Variants in OR51E2 observed in about 807,000 individuals in gnomAD.
OR51E2 encodes olfactory receptor 51E2.
A neutral mutation model predicts 13.7 loss-of-function variants in OR51E2; 14 were observed. The observed-to-expected ratio is 1.02, with a 90% CI of 0.68 to 1.60. The LOEUF (loss-of-function observed/expected upper bound fraction) is 1.60, where lower values mean the gene tolerates loss of function less well. Among genes scored for constraint, OR51E2 ranks in the 40% most tolerant of loss-of-function variants. The pLI is 0.00. For missense variants in OR51E2, 483 were observed against 413.8 expected, an observed-to-expected ratio of 1.17 and a Z score of -1.45; for synonymous variants, 180 against 157.6, an observed-to-expected ratio of 1.14 and a Z score of -1.07.
rs530774052 is a variant in OR51E2, at chr11:4,689,483, G to A, written c.-50-6722C>T. On this transcript the variant is annotated intron_variant, in intron 1 of 1. Coordinates refer to ENST00000396950, the MANE Select transcript of OR51E2 (RefSeq NM_030774.4). ...CAGTTGGCAGAGATCTCCATAAAGC[G>A]AGGGGGCAAGCCTGTAGATACGAAT... Among the ~76,000 whole-genome samples the A allele has an allele frequency of 9.2e-5, 14 of 152,264 alleles. No individual in the cohort carries two copies. The South Asian group carries it at 2.7e-3, about 29-fold the overall frequency.
At position 4,686,096 on chromosome 11, in the gene OR51E2, A is replaced by C. The variant is rs566189110; in HGVS notation, c.-50-3335T>G. On this transcript the variant is annotated intron_variant, in intron 1 of 1. Coordinates refer to ENST00000396950, the MANE Select transcript of OR51E2 (RefSeq NM_030774.4). ...GTGTAATAAGCACATTCTCAAGGCT[A>C]GTTTTGTGCAGGCACTGTGCTGAGT... Among the ~76,000 whole-genome samples, 330 of 152,336 alleles carry C rather than the reference A, an allele frequency of 2.2e-3. 2 individuals carry two copies. The highest frequency in any genetic ancestry group is 7.4e-3 in the African/African-American group (307 of 41,578).
intron 1 of OR51E2, among the ~76,000 whole-genome samples, chr11:4,692,627 C>T (rs1847597591): frequency 6.6e-6 from 1 of 151,842 alleles, no homozygotes; most frequent in Non-Finnish European, 1.5e-5. Flanking sequence ...GAGTTGAAGA[C>T]GGGGGTCTAG....
At chr11:4,695,087 C>T (rs2133253890) in intron 1 of OR51E2, among the ~76,000 whole-genome samples, 1 of 152,260 alleles carries the variant, frequency 6.6e-6, no homozygotes, top group Admixed American at 6.5e-5. Context: ...GGAAATGAAG[C>T]TAGAGAAAGC....
In OR51E2 at chr11:4,681,504, T is replaced by A. The variant is rs753812429; in HGVS notation, c.*245A>T. 9 of 501,982 alleles carry A rather than the reference T, an allele frequency of 1.8e-5. No individual in the cohort carries two copies. The highest frequency in any genetic ancestry group is 6.4e-5 in the East Asian group (2 of 31,174). The allele number at this position is 501,982 out of a possible 1,614,324, so 31.1% of individuals were successfully genotyped here. The stretch of plus-strand genomic sequence containing the variant: ...TTTTCAACTTGGTTTCAATCATGTA[T>A]CTTTATTGTTTTTCTTAATGTTATA... On this transcript the variant is annotated 3_prime_UTR_variant, in exon 2 of 2. Coordinates refer to ENST00000396950, the MANE Select transcript of OR51E2 (RefSeq NM_030774.4).
At chr11:4,690,224 A>T (rs975612087) in intron 1 of OR51E2, among the ~76,000 whole-genome samples, 1 of 151,982 alleles carries the variant, frequency 6.6e-6, no homozygotes, top group African/African-American at 2.4e-5. Context: ...TTCATGCCTC[A>T]ATTTTCTTAT....
chr11:4,694,573 T>TAC (rs1237280273), intron 1 of OR51E2, among the ~76,000 whole-genome samples: 3,107 of 118,920 alleles, frequency 0.026, 123 homozygotes, highest in African/African-American at 0.076. Flanking sequence ...TACATATATA[T>TAC]ATACACACAC....
intron 1 of OR51E2, among the ~76,000 whole-genome samples, chr11:4,686,540 A>G (rs1045152162): frequency 1.1e-4 from 17 of 152,198 alleles, no homozygotes; most frequent in Admixed American, 2.0e-4. Context: ...AGCTGTTGGG[A>G]GGGTGAATTT....
intron 1 of OR51E2, among the ~76,000 whole-genome samples, chr11:4,696,726 A>G (rs1341574305): frequency 1.3e-5 from 2 of 152,042 alleles, no homozygotes; most frequent in Non-Finnish European, 2.9e-5. Context: ...AATAAGCTAT[A>G]TTCTCTCAAC....
intron 1 of OR51E2, among the ~76,000 whole-genome samples, chr11:4,693,749 G>A (rs1000677770): frequency 7.2e-5 from 11 of 151,978 alleles, no homozygotes; most frequent in African/African-American, 2.7e-4. Context: ...ACAAAAAACT[G>A]TTGAGCAACA....
In OR51E2 at chr11:4,681,764, A is replaced by G. The variant is rs1285754557; in HGVS notation, c.948T>C (p.Ala316=). ...GTGTTAAGGGTCACTTGCCTCCCAC[A>G]GCCTGCAAGTCCTTGTCACAGCTGA... is the stretch of plus-strand genomic sequence containing the variant. ...FKISCDKDLQ[A]VGGK is the part of the protein sequence containing the mutation. Residue 316 remains alanine (A), a synonymous_variant, in exon 2 of 2, where the codon GCT becomes GCC. Coordinates refer to ENST00000396950, the MANE Select transcript of OR51E2 (RefSeq NM_030774.4). The G allele has an allele frequency of 6.2e-7, 1 of 1,613,972 alleles. No individual in the cohort carries two copies. The highest frequency in any genetic ancestry group is 8.5e-7 in the Non-Finnish European group (1 of 1,179,796).
At chr11:4,689,092 T>G (rs1847548576) in intron 1 of OR51E2, among the ~76,000 whole-genome samples, 1 of 152,204 alleles carries the variant, frequency 6.6e-6, no homozygotes, top group African/African-American at 2.4e-5. Flanking sequence ...AAAGACATGA[T>G]ACTGGATGGG....
intron 1 of OR51E2, among the ~76,000 whole-genome samples, chr11:4,696,441 A>G (rs941570635): frequency 3.9e-5 from 6 of 152,120 alleles, no homozygotes; most frequent in African/African-American, 1.4e-4. Flanking sequence ...AACTGATTCT[A>G]CTCCTGAAAT....
At position 4,681,747 on chromosome 11, in the gene OR51E2, G is replaced by T. The variant is rs1210144243; in HGVS notation, c.*2C>A. 2 of 1,613,564 alleles carry T rather than the reference G, an allele frequency of 1.2e-6. No individual in the cohort carries two copies. Among genetic ancestry groups the T allele is most frequent in the Non-Finnish European group, 1.7e-6 (2 of 1,179,638 alleles). ...AGATAAGGAGAAGTGTAGTGTTAAG[G>T]GTCACTTGCCTCCCACAGCCTGCAA... On this transcript the variant is annotated 3_prime_UTR_variant, in exon 2 of 2. Transcript: ENST00000396950.
At position 4,681,453 on chromosome 11, in the gene OR51E2, C is replaced by A; in HGVS notation, c.*296G>T. ...AACACTAAATCATTAGTAATTTGAG[C>A]ACATTTCCTCCAAGGCATATGCTAT... On this transcript the variant is annotated 3_prime_UTR_variant, in exon 2 of 2. Coordinates refer to ENST00000396950, the MANE Select transcript of OR51E2 (RefSeq NM_030774.4). 2.9e-6 allele frequency: 1 copy of A among 343,708 alleles called. No homozygotes were observed. Among genetic ancestry groups the A allele is most frequent in the Non-Finnish European group, 5.3e-6 (1 of 189,288 alleles). The allele number at this position is 343,708 out of a possible 1,614,324, so 21.3% of individuals were successfully genotyped here.
rs1400754048 is a variant in OR51E2 at position 4,697,662 on chromosome 11, A to G, written c.-60T>C. The stretch of plus-strand genomic sequence containing the variant: ...AAACAGTTTTACTTACAGAGCCCAT[A>G]CAGCAGTTCGGCCTGTTCCTTTCAG... On this transcript the variant is annotated 5_prime_UTR_variant, in exon 1 of 2. Transcript: ENST00000396950. 5.9e-5 allele frequency: 9 copies of G among 152,788 alleles called. No homozygotes were observed. Among genetic ancestry groups the G allele is most frequent in the African/African-American group, 1.9e-4 (8 of 41,576 alleles). 9.5% of individuals were successfully genotyped at this position (152,788 alleles called of 1,614,324 possible).
At chr11:4,687,043 C>T (rs1449427031) in intron 1 of OR51E2, among the ~76,000 whole-genome samples, 1 of 152,076 alleles carries the variant, frequency 6.6e-6, no homozygotes, top group Non-Finnish European at 1.5e-5. Flanking sequence ...CTTTGAGTAT[C>T]TCCATCCTTT....
chr11:4,681,859 C>A lies in OR51E2; in HGVS notation c.853G>T (p.Val285Phe), dbSNP rs766241773. The change falls in exon 2 of 2, where the codon GTC becomes TTC. Residue 285 changes from valine to phenylalanine, a missense_variant. Transcript: ENST00000396950. ...GCACCATAGATGATGGGATTGATGA[C>A]AGGAGGCAGCAGCAGGTAGATGTCA... ...MGDIYLLLPPVINPIIYGAKT... is the reference protein window; with the variant it reads ...MGDIYLLLPPFINPIIYGAKT... The A allele has an allele frequency of 6.2e-7, 1 of 1,614,120 alleles. No homozygotes were observed. Among genetic ancestry groups the A allele is most frequent in the Non-Finnish European group, 8.5e-7 (1 of 1,180,032 alleles).
intron 1 of OR51E2, among the ~76,000 whole-genome samples, chr11:4,683,852 T>A (rs1163997799): frequency 6.6e-6 from 1 of 152,238 alleles, no homozygotes; most frequent in Non-Finnish European, 1.5e-5. Flanking sequence ...TCTTTAGAGC[T>A]AATTTTCTCT....
intron 1 of OR51E2, among the ~76,000 whole-genome samples, chr11:4,693,953 T>C (rs1847620203): frequency 1.3e-5 from 2 of 152,324 alleles, no homozygotes; most frequent in East Asian, 3.9e-4. Context: ...TATACAGCGA[T>C]GAATAATAAA....
Sources: gnomAD v4.1 joint callset for allele counts (sites outside exome capture counted in the v4.1 genomes callset) on GRCh38, gnomAD v4.1.1 for gene constraint, MANE v1.5 for transcripts, NCBI Gene and HGNC (gene_info 2026-07-23, HGNC 2026-07-21) for gene names.